Variants in KANK1 observed in about 807,000 individuals in gnomAD.
The protein encoded by KANK1 is KN motif and ankyrin repeat domain-containing protein 1.
A neutral mutation model predicts 106.2 loss-of-function variants in KANK1; 109 were observed. That is an observed-to-expected ratio of 1.03 (90% CI 0.88 to 1.20). The LOEUF is 1.20. Among genes scored for constraint, KANK1 ranks in the 50% most tolerant of loss-of-function variants. The pLI, the probability that KANK1 is intolerant of heterozygous loss-of-function variation, is 0.00. For synonymous variants in KANK1, 873 were observed against 652.2 expected (o/e 1.34, Z -5.16); for missense variants, 2,399 against 1,710.7 (o/e 1.40, Z -7.10).
At chr9:500,877 C>G (rs2058539116), upstream of KANK1, among the ~76,000 whole-genome samples, 1 of 152,154 alleles carries the variant, frequency 6.6e-6, no homozygotes, top group Admixed American at 6.5e-5. Context: ...GGGGAACCTT[C>G]AGAAAGCTCT....
intron 2 of KANK1, chr9:684,219 T>G (rs1818110584): frequency 3.0e-6 from 3 of 985,392 alleles, no homozygotes; most frequent in Non-Finnish European, 3.6e-6. Context: ...AGCATCAGAT[T>G]TCAGACAGGC....
At chr9:505,926 G>A (rs1055877312) in intron 1 of KANK1, among the ~76,000 whole-genome samples, 2 of 152,070 alleles carry the variant, frequency 1.3e-5, no homozygotes, top group Admixed American at 1.3e-4. Flanking sequence ...TTTAGGTGGC[G>A]TTAACAGCTA....
At chr9:481,459 T>C (rs951370050) in intron 3 of KANK1, among the ~76,000 whole-genome samples, 1 of 152,204 alleles carries the variant, frequency 6.6e-6, no homozygotes, top group Non-Finnish European at 1.5e-5. Context: ...AATGCACTTT[T>C]ATCTAATAAG....
At chr9:494,712 T>C (rs2058432686) in intron 3 of KANK1, among the ~76,000 whole-genome samples, 1 of 152,160 alleles carries the variant, frequency 6.6e-6, no homozygotes, top group African/African-American at 2.4e-5. Flanking sequence ...AGAAGCCTTC[T>C]CAGAAGTGGA....
At chr9:739,049 G>C (rs1258554921) in intron 8 of KANK1, among the ~76,000 whole-genome samples, 1 of 152,168 alleles carries the variant, frequency 6.6e-6, no homozygotes, top group Non-Finnish European at 1.5e-5. Flanking sequence ...ACAGCATAGA[G>C]CAAAGGGCAT....
rs12555014 is a variant in KANK1 at position 506,547 on chromosome 9, T to C, written c.-84+1793T>C. On this transcript the variant is annotated intron_variant, in intron 1 of 11. Transcript: ENST00000382297. ...TTCTGGGTGTGTGTGTGTGTGTGTGTGCGTGTGCGTGCGCGCTCGGCAGGG... is the reference window on the plus strand; with the variant it reads ...TTCTGGGTGTGTGTGTGTGTGTGTGCGCGTGTGCGTGCGCGCTCGGCAGGG... Among the ~76,000 whole-genome samples the C allele has an allele frequency of 2.1e-3, 320 of 152,026 alleles. 1 individual carries two copies. The highest frequency in any genetic ancestry group is 4.3e-3 in the Admixed American group (66 of 15,256).
chr9:539,613 C>T (rs889168383), intron 1 of KANK1: 2 of 152,092 alleles, frequency 1.3e-5, no homozygotes, highest in Non-Finnish European at 2.9e-5. Flanking sequence ...GCCTCAGCCT[C>T]CCAAGTAACT....
At chr9:742,658 G>C (rs1835961106) in intron 10 of KANK1, among the ~76,000 whole-genome samples, 1 of 152,342 alleles carries the variant, frequency 6.6e-6, no homozygotes, top group African/African-American at 2.4e-5. Context: ...AAATGAAAAA[G>C]TGATTTAACG....
intron 1 of KANK1, among the ~76,000 whole-genome samples, chr9:609,306 T>A (rs894523994): frequency 6.6e-6 from 1 of 152,222 alleles, no homozygotes; most frequent in Non-Finnish European, 1.5e-5. Flanking sequence ...TTCCTTAAAC[T>A]TTATTGCTAG....
chr9:495,891 G>A (rs1442720388), intron 3 of KANK1, among the ~76,000 whole-genome samples: 1 of 152,158 alleles, frequency 6.6e-6, no homozygotes, highest in Admixed American at 6.5e-5. Flanking sequence ...AGGTCACCAG[G>A]TCAGGGTTTC....
intron 1 of KANK1, among the ~76,000 whole-genome samples, chr9:539,146 G>T (rs148940342): frequency 0.063 from 9,559 of 152,172 alleles, 335 homozygotes; most frequent in South Asian, 0.084. Context: ...CTCCCTAAGT[G>T]CTGGGATTAT....
rs1381932672 is a variant in KANK1 at position 625,784 on chromosome 9, AG to A, written c.-83-51105del. Among the ~76,000 whole-genome samples, 3 of 152,286 alleles carry A rather than the reference AG, an allele frequency of 2.0e-5. No individual in the cohort carries two copies. In the East Asian group the frequency reaches 5.8e-4, roughly 29 times the overall value. ...CATGGACCTGTGCTTTAAAAAGCTG[AG>A]CCCCTGAGTTTGTTGCACTGTGTAC... On this transcript the variant is annotated intron_variant, in intron 1 of 11. Transcript: ENST00000382297.
At chr9:537,961 A>G (rs1331356985) in intron 1 of KANK1, among the ~76,000 whole-genome samples, 1 of 152,178 alleles carries the variant, frequency 6.6e-6, no homozygotes, top group African/African-American at 2.4e-5. Flanking sequence ...TTCTCACTCA[A>G]CACAACAAGT....
rs929280916 is a variant in KANK1, at chr9:594,833, C to T, written c.-83-82057C>T. 3.3e-5 allele frequency among the ~76,000 whole-genome samples: 5 copies of T among 151,782 alleles called. 1 individual carries two copies. Among genetic ancestry groups the T allele is most frequent in the African/African-American group, 1.2e-4 (5 of 41,124 alleles). On this transcript the variant is annotated intron_variant, in intron 1 of 11. Transcript: ENST00000382297. ...TATAAAAATCTGGAGAGTTCAGATT[C>T]CCTGTCTCTCCTCTTTCAACCTTTA...
rs145144688 is a variant in KANK1 at position 721,850 on chromosome 9, G to A, written c.2699-8201G>A. Among the ~76,000 whole-genome samples the A allele has an allele frequency of 2.2e-4, 33 of 152,332 alleles. 1 individual carries two copies. In the East Asian group the frequency reaches 3.5e-3, roughly 16 times the overall value. ...CAACCAGACACCAGTGAAGGCATAC[G>A]GTCAACTTGAAGACGGTTTCACTCC... is the stretch of plus-strand genomic sequence containing the variant. On this transcript the variant is annotated intron_variant, in intron 3 of 11. Coordinates refer to ENST00000382297, the MANE Select transcript of KANK1 (RefSeq NM_015158.5).
At chr9:607,293 C>G (rs1174378116) in intron 1 of KANK1, among the ~76,000 whole-genome samples, 4 of 151,486 alleles carry the variant, frequency 2.6e-5, no homozygotes, top group Non-Finnish European at 5.9e-5. Flanking sequence ...CAAGACCAGC[C>G]TGGCCAATAT....
intron 2 of KANK1, among the ~76,000 whole-genome samples, chr9:690,621 G>A (rs1053354644): frequency 2.6e-5 from 4 of 152,198 alleles, no homozygotes; most frequent in East Asian, 1.9e-4. Context: ...TTCAATGGAT[G>A]TCAGGAAATA....
chr9:621,874 A>G (rs745508796), intron 1 of KANK1, among the ~76,000 whole-genome samples: 1 of 152,182 alleles, frequency 6.6e-6, no homozygotes, highest in African/African-American at 2.4e-5. Context: ...GGTACAGTCC[A>G]GATGGGAGAT....
intron 1 of KANK1, among the ~76,000 whole-genome samples, chr9:618,318 C>A (rs1832331668): frequency 6.6e-6 from 1 of 152,152 alleles, no homozygotes; most frequent in South Asian, 2.1e-4. Context: ...AGCAATTCTC[C>A]TGCCTCAGCC....
Sources: gnomAD v4.1 joint callset for allele counts (sites outside exome capture counted in the v4.1 genomes callset) on GRCh38, gnomAD v4.1.1 for gene constraint, MANE v1.5 for transcripts, NCBI Gene and HGNC (gene_info 2026-07-23, HGNC 2026-07-21) for gene names.